The following AUH variants were observed in gnomAD, a reference collection of about 807,000 sequenced individuals.
AUH encodes AU RNA binding methylglutaconyl-CoA hydratase.
In AUH, 29 loss-of-function variants were observed where a neutral mutation model predicts 42.3. The ratio of observed to expected loss-of-function variants is 0.69; its 90% confidence interval spans 0.51 to 0.93. The LOEUF (loss-of-function observed/expected upper bound fraction) is 0.93. Ranked by LOEUF, AUH falls within the 40% of genes least tolerant of loss-of-function variation. The pLI is 0.00. For synonymous variants in AUH, 174 were observed against 166.4 expected (o/e 1.05, Z -0.35); for missense variants, 452 against 438.1 (o/e 1.03, Z -0.28).
At chr9:91,314,886 C>T (rs137930935) in intron 4 of AUH, among the ~76,000 whole-genome samples, 2 of 152,302 alleles carry the variant, frequency 1.3e-5, no homozygotes, top group African/African-American at 4.8e-5. Context: ...TGGTTCTGGC[C>T]CATCTACAGA....
intron 6 of AUH, among the ~76,000 whole-genome samples, chr9:91,289,344 C>T (rs1408492385): frequency 2.0e-5 from 3 of 152,090 alleles, no homozygotes; most frequent in African/African-American, 4.8e-5. Flanking sequence ...TATTTGAATT[C>T]TCCCCACTTA....
intron 4 of AUH, among the ~76,000 whole-genome samples, chr9:91,318,418 A>G (rs1474949907): frequency 6.6e-6 from 1 of 152,128 alleles, no homozygotes; most frequent in Non-Finnish European, 1.5e-5. Context: ...CAGCCTTGGA[A>G]TGTGCTTTAA....
intron 6 of AUH, among the ~76,000 whole-genome samples, chr9:91,249,773 A>G (rs958603435): frequency 5.9e-5 from 9 of 152,120 alleles, no homozygotes; most frequent in Non-Finnish European, 1.0e-4. Context: ...GTACTTGCAG[A>G]AGCTGAGGCA....
chr9:91,251,185 C>T (rs753286605), intron 6 of AUH, among the ~76,000 whole-genome samples: 8 of 152,148 alleles, frequency 5.3e-5, no homozygotes, highest in Non-Finnish European at 1.2e-4. Context: ...TCCGGGAGGT[C>T]GCCATGTCCT....
At chr9:91,303,907 G>A (rs1257721079) in intron 4 of AUH, among the ~76,000 whole-genome samples, 1 of 152,120 alleles carries the variant, frequency 6.6e-6, no homozygotes, top group Non-Finnish European at 1.5e-5. Flanking sequence ...AACAAGCCCT[G>A]AGTGAGGCCT....
intron 6 of AUH, among the ~76,000 whole-genome samples, chr9:91,254,439 A>T (rs1387305413): frequency 6.6e-6 from 1 of 152,206 alleles, no homozygotes; most frequent in Admixed American, 6.6e-5. Context: ...GGATGAGCTT[A>T]TGCTTTCTTT....
At chr9:91,241,848 C>A (rs758450112) in intron 6 of AUH, among the ~76,000 whole-genome samples, 31 of 152,172 alleles carry the variant, frequency 2.0e-4, no homozygotes, top group Non-Finnish European at 4.0e-4. Flanking sequence ...CCTAGCCCAA[C>A]TGGACACTGA....
At chr9:91,215,535 T>C (rs537764766) in intron 9 of AUH, among the ~76,000 whole-genome samples, 2 of 152,194 alleles carry the variant, frequency 1.3e-5, no homozygotes, top group African/African-American at 4.8e-5. Flanking sequence ...TCTTTTTTTT[T>C]CCTGAATATT....
chr9:91,344,385 T>C (rs1831327833), intron 3 of AUH, among the ~76,000 whole-genome samples: 1 of 152,198 alleles, frequency 6.6e-6, no homozygotes, highest in African/African-American at 2.4e-5. Context: ...CTTACATGTA[T>C]TGATTGATGT....
At chr9:91,325,919 T>G (rs1179357391) in intron 3 of AUH, among the ~76,000 whole-genome samples, 1 of 152,160 alleles carries the variant, frequency 6.6e-6, no homozygotes, top group African/African-American at 2.4e-5. Flanking sequence ...CCTTTTGACT[T>G]CATGGATGCC....
chr9:91,354,341 GTACGAAAGTT>G (rs1832243971), intron 3 of AUH, among the ~76,000 whole-genome samples: 1 of 152,170 alleles, frequency 6.6e-6, no homozygotes, highest in Non-Finnish European at 1.5e-5. Flanking sequence ...TATCCTGATT[GTACGAAAGTT>G]TAAAAGCACA....
At chr9:91,333,631 T>C (rs952899196) in intron 3 of AUH, among the ~76,000 whole-genome samples, 1 of 152,230 alleles carries the variant, frequency 6.6e-6, no homozygotes, top group African/African-American at 2.4e-5. Flanking sequence ...AGGCAGGATT[T>C]ACCATCAATT....
intron 3 of AUH, among the ~76,000 whole-genome samples, chr9:91,340,581 T>A (rs185708423): frequency 1.3e-5 from 2 of 152,336 alleles, no homozygotes; most frequent in African/African-American, 4.8e-5. Flanking sequence ...GGCCTTCAAA[T>A]CTAGCATTCA....
chr9:91,283,697 G>T (rs999608116), intron 6 of AUH, among the ~76,000 whole-genome samples: 1 of 152,154 alleles, frequency 6.6e-6, no homozygotes, highest in African/African-American at 2.4e-5. Flanking sequence ...AATCATGAGT[G>T]AACTCCCATT....
At chr9:91,339,583 G>A (rs1322209100) in intron 3 of AUH, among the ~76,000 whole-genome samples, 3 of 152,196 alleles carry the variant, frequency 2.0e-5, no homozygotes, top group Non-Finnish European at 4.4e-5. Flanking sequence ...GTGTGAATAT[G>A]TAATGTAATT....
At chr9:91,351,554 G>A (rs558558156) in intron 3 of AUH, among the ~76,000 whole-genome samples, 5 of 152,242 alleles carry the variant, frequency 3.3e-5, no homozygotes, top group African/African-American at 1.2e-4. Flanking sequence ...CACAAACCTA[G>A]ATGGTATAGG....
At chr9:91,250,517 T>C (rs1829068094) in intron 6 of AUH, among the ~76,000 whole-genome samples, 2 of 152,328 alleles carry the variant, frequency 1.3e-5, no homozygotes, top group South Asian at 4.1e-4. Flanking sequence ...GCCAGATGTG[T>C]GACCTATTAG....
chr9:91,242,737 T>G (rs1223248743), intron 6 of AUH, among the ~76,000 whole-genome samples: 2 of 152,192 alleles, frequency 1.3e-5, no homozygotes, highest in Non-Finnish European at 2.9e-5. Flanking sequence ...AGACTTAAGA[T>G]GTAAGTGAGA....
intron 7 of AUH, among the ~76,000 whole-genome samples, chr9:91,217,682 A>G (rs1464583825): frequency 1.3e-5 from 2 of 152,152 alleles, no homozygotes; most frequent in African/African-American, 2.4e-5. Context: ...TACCACACCA[A>G]TTAGGGGTTT....
Sources: allele counts gnomAD v4.1 joint callset (sites outside exome capture counted in the v4.1 genomes callset), GRCh38; gene constraint gnomAD v4.1.1; transcripts MANE v1.5; gene names NCBI Gene and HGNC (gene_info 2026-07-23, HGNC 2026-07-21).